The following CCT5 variants were observed in gnomAD, a reference collection of about 807,000 sequenced individuals.
CCT5 encodes the protein chaperonin containing TCP1 subunit 5, also known as T-complex protein 1 subunit epsilon.
In CCT5, 6 loss-of-function variants were observed where a neutral mutation model predicts 55.0. The ratio of observed to expected loss-of-function variants is 0.11; its 90% CI spans 0.06 to 0.22. The LOEUF is 0.22. Ranked by LOEUF, CCT5 falls within the 10% of genes least tolerant of loss-of-function variation. CCT5 has a pLI of 1.00. For synonymous variants in CCT5, 231 were observed against 243.7 expected, an observed-to-expected ratio of 0.95 and a Z score of 0.49; for missense variants, 560 against 694.6, an observed-to-expected ratio of 0.81 and a Z score of 2.18.
At position 10,264,988 on chromosome 5, in the gene CCT5, T is replaced by C. The variant is rs533788803; in HGVS notation, c.*205T>C. On this transcript the variant is annotated 3_prime_UTR_variant, in exon 11 of 11. Transcript: ENST00000280326. The stretch of plus-strand genomic sequence containing the variant: ...CCATCTCAACTGCTTTTGTATTCAT[T>C]GTATTAAAAGAATCTGTTTAAACAA... 14 of 584,878 alleles carry C rather than the reference T, an allele frequency of 2.4e-5. No individual in the cohort carries two copies. In the African/African-American group the frequency reaches 2.4e-4, roughly 10 times the overall value. The allele number at this position is 584,878 out of a possible 1,614,324, so 36.2% of individuals were successfully genotyped here.
intron 1 of CCT5, chr5:10,250,741 C>T: frequency 8.0e-7 from 1 of 1,246,092 alleles, no homozygotes; most frequent in African/African-American, 1.6e-5. Context: ...CGCCTCCCCG[C>T]CCGGCTCCTC....
intron 1 of CCT5, among the ~76,000 whole-genome samples, chr5:10,251,747 C>T (rs1745431425): frequency 6.6e-6 from 1 of 152,174 alleles, no homozygotes; most frequent in African/African-American, 2.4e-5. Context: ...GTATTTGTTT[C>T]CTTTCTAGAA....
Position 10,254,771 on chromosome 5 carries a change from C to G in CCT5, c.264C>G (p.Ala88=). 1 of 1,613,808 alleles carries G rather than the reference C, an allele frequency of 6.2e-7. No individual in the cohort carries two copies. The highest frequency in any genetic ancestry group is 8.5e-7 in the Non-Finnish European group (1 of 1,179,754). The change falls in exon 3 of 11, where the codon GCC becomes GCG. Residue 88 remains alanine, a synonymous_variant. Transcript: ENST00000280326. ...LSMMDVDHQI[A]KLMVELSKSQ... Reference sequence around the variant, plus strand: ...TGATGGATGTTGATCATCAGATTGCCAAGCTGATGGTGGAACTGTCCAAGT... The same window carrying G: ...TGATGGATGTTGATCATCAGATTGCGAAGCTGATGGTGGAACTGTCCAAGT...
At chr5:10,258,585 G>T in intron 6 of CCT5, 50 bp downstream of exon 6, 1 of 1,531,222 alleles carries the variant, frequency 6.5e-7, no homozygotes, top group African/African-American at 1.4e-5. Flanking sequence ...AAAGGGTACA[G>T]TTAGTTAGGT....
upstream of CCT5, chr5:10,250,070 TC>T (rs1218580121): frequency 1.3e-6 from 2 of 1,539,036 alleles, no homozygotes; most frequent in Admixed American, 3.9e-5. Context: ...AATGACAAAT[TC>T]AATCTGCTCT....
At chr5:10,252,431 T>G (rs537858229) in intron 1 of CCT5, among the ~76,000 whole-genome samples, 1 of 151,890 alleles carries the variant, frequency 6.6e-6, no homozygotes, top group African/African-American at 2.4e-5. Context: ...GTTTAACACT[T>G]AACTGTATAA....
At chr5:10,254,980 A>T in intron 3 of CCT5, 142 bp downstream of exon 3, 1 of 636,644 alleles carries the variant, frequency 1.6e-6, no homozygotes, top group Non-Finnish European at 2.7e-6. Flanking sequence ...TACAAAACAA[A>T]TGTCGGACTT....
Position 10,264,481 on chromosome 5 carries a change from A to G in CCT5, c.1499-175A>G, listed in dbSNP as rs542250487. ...CGAGTTCCAGAGTGTCCTTGGAAGT[A>G]ATGAAATTACATTCATCTGAAAATG... On this transcript the variant is annotated intron_variant, in intron 10 of 10. Coordinates refer to ENST00000280326, the MANE Select transcript of CCT5 (RefSeq NM_012073.5). 50 of 609,234 alleles carry G rather than the reference A, an allele frequency of 8.2e-5. No homozygotes were observed. In the East Asian group the frequency reaches 1.5e-3, roughly 18 times the overall value. The allele number at this position is 609,234 out of a possible 1,614,324, so 37.7% of individuals were successfully genotyped here.
rs1204572215 is a variant in CCT5, at chr5:10,258,139, G to C, written c.559G>C (p.Glu187Gln). ...VVNSCHRQMA[E>Q]IAVNAVLTVA... ...CAACAGTTGTCACCGACAGATGGCT[G>C]AGATTGCTGTGAATGCCGTCCTCAC... The change falls in exon 5 of 11, where the codon GAG (glutamate) becomes CAG (glutamine). Residue 187 changes from glutamate (E) to glutamine (Q), a missense_variant. By Grantham distance (29) the Glu-to-Gln change is conservative. This residue lies in a region of CCT5 where 256 missense variants were observed against 372.4 expected (regional missense o/e 0.69). Transcript: ENST00000280326. The C allele has an allele frequency of 6.2e-7, 1 of 1,614,128 alleles. No individual in the cohort carries two copies. Among genetic ancestry groups the C allele is most frequent in the East Asian group, 2.2e-5 (1 of 44,898 alleles).
chr5:10,264,550 T>G (rs1579460055), intron 10 of CCT5, 106 bp from the exon 11 acceptor site: 1 of 808,080 alleles, frequency 1.2e-6, no homozygotes, highest in Non-Finnish European at 2.2e-6. Flanking sequence ...CTTCCAGGAG[T>G]TTGTATTTCT....
intron 7 of CCT5, chr5:10,261,228 G>A (rs888489448): frequency 5.7e-5 from 28 of 494,114 alleles, no homozygotes; most frequent in African/African-American, 5.2e-4. Flanking sequence ...TGCCTCGGTG[G>A]TTCTCACTGC....
intron 3 of CCT5, among the ~76,000 whole-genome samples, chr5:10,255,706 CT>C (rs1451343715): frequency 1.3e-5 from 2 of 152,116 alleles, no homozygotes; most frequent in African/African-American, 4.8e-5. Flanking sequence ...ACATTATATT[CT>C]TTAGTTACGT....
chr5:10,253,419 G>GT (rs1313146442), intron 1 of CCT5, among the ~76,000 whole-genome samples: 2 of 151,948 alleles, frequency 1.3e-5, no homozygotes, highest in Non-Finnish European at 2.9e-5. Flanking sequence ...AGCAAGAGCA[G>GT]TTTTTCTTTT....
intron 6 of CCT5, among the ~76,000 whole-genome samples, chr5:10,259,531 G>A (rs1179594654): frequency 6.6e-6 from 1 of 152,204 alleles, no homozygotes; most frequent in East Asian, 1.9e-4. Context: ...AGAGAAAGGT[G>A]GGTACAGCTC....
intron 3 of CCT5, 107 bp from the exon 4 acceptor site, chr5:10,255,848 A>C: frequency 1.0e-6 from 1 of 981,402 alleles, no homozygotes; most frequent in South Asian, 1.4e-5. Context: ...TTGCAGCTTA[A>C]TTCTAGAAGC....
In CCT5 at chr5:10,250,429, G is replaced by A. The variant is rs767111523; in HGVS notation, c.89G>A (p.Gly30Glu). ...CAGGACCGCAAGTCCCGTCTTATGGGACTTGAGGCCCTCAAGGTAATGGCA... is the reference window on the plus strand; with the variant it reads ...CAGGACCGCAAGTCCCGTCTTATGGAACTTGAGGCCCTCAAGGTAATGGCA... ...KDQDRKSRLM[G>E]LEALKSHIMA... Residue 30 changes from glycine to glutamate, a missense_variant, in exon 1 of 11, where the codon GGA becomes GAA. Gly to Glu is a moderately conservative substitution (Grantham distance 98). This residue lies in a region of CCT5 where 137 missense variants were observed against 181.9 expected (regional missense o/e 0.75). Coordinates refer to ENST00000280326, the MANE Select transcript of CCT5 (RefSeq NM_012073.5). 2 of 1,613,654 alleles carry A rather than the reference G, an allele frequency of 1.2e-6. No individual in the cohort carries two copies. The highest frequency in any genetic ancestry group is 1.7e-6 in the Non-Finnish European group (2 of 1,180,040).
chr5:10,255,763 T>C (rs112050414), intron 3 of CCT5, among the ~76,000 whole-genome samples, 192 bp from the exon 4 acceptor site: 1 of 152,364 alleles, frequency 6.6e-6, no homozygotes, highest in African/African-American at 2.4e-5. Context: ...AGGGGACACA[T>C]GTCCTATTCG....
chr5:10,252,043 C>T (rs1181633648), intron 1 of CCT5, among the ~76,000 whole-genome samples: 2 of 152,184 alleles, frequency 1.3e-5, no homozygotes, highest in Admixed American at 1.3e-4. Context: ...TCAGGGCCAC[C>T]GCTGTCAGAG....
At position 10,264,736 on chromosome 5, in the gene CCT5, AT is replaced by A; in HGVS notation, c.1583del (p.Leu528Ter). The A allele has an allele frequency of 6.2e-7, 1 of 1,613,676 alleles. No homozygotes were observed. Among genetic ancestry groups the A allele is most frequent in the Non-Finnish European group, 8.5e-7 (1 of 1,179,572 alleles). ...ISLATQMVRMILKIDDIRKPG... is the reference protein window; with the variant it reads ...ISLATQMVRMXLKIDDIRKPG... Reference sequence around the variant, plus strand: ...TCTTGCAACACAAATGGTTAGAATGATTTTGAAGATTGATGACATTCGTAAG... The same window carrying A: ...TCTTGCAACACAAATGGTTAGAATGATTTGAAGATTGATGACATTCGTAAG... On this transcript the variant is annotated frameshift_variant, in exon 11 of 11. Coordinates refer to ENST00000280326, the MANE Select transcript of CCT5 (RefSeq NM_012073.5). LOFTEE classifies it high-confidence loss of function.
Sources: gnomAD v4.1 joint callset for allele counts (sites outside exome capture counted in the v4.1 genomes callset) on GRCh38, gnomAD v4.1.1 for gene constraint, gnomAD v4.1.1 regional missense constraint, MANE v1.5 for transcripts, NCBI Gene and HGNC (gene_info 2026-07-23, HGNC 2026-07-21) for gene names.